KLF12: variants seen among roughly 807,000 people sequenced by gnomAD.
The protein encoded by KLF12 is KLF transcription factor 12, also known as Krueppel-like factor 12.
KLF12 carries 9 observed loss-of-function variants against 37.8 expected under a neutral mutation model. The ratio of observed to expected loss-of-function variants is 0.24; its 90% CI spans 0.14 to 0.42. The LOEUF (loss-of-function observed/expected upper bound fraction) is 0.42. Among genes scored for constraint, KLF12 ranks in the 10% least tolerant of loss-of-function variants. KLF12 has a pLI of 1.00. For missense variants in KLF12, 411 were observed against 516.0 expected, an observed-to-expected ratio of 0.80 and a Z score of 1.97; for synonymous variants, 208 against 202.1, an observed-to-expected ratio of 1.03 and a Z score of -0.25.
At chr13:73,822,114 TGA>T (rs976932047) in intron 4 of KLF12, among the ~76,000 whole-genome samples, 10 of 152,240 alleles carry the variant, frequency 6.6e-5, no homozygotes, top group Non-Finnish European at 1.5e-4. Context: ...TCCCAGCTGA[TGA>T]GAGATTCTGC....
intron 3 of KLF12, among the ~76,000 whole-genome samples, chr13:73,858,974 T>G (rs1885758174): frequency 6.6e-6 from 1 of 152,196 alleles, no homozygotes; most frequent in Non-Finnish European, 1.5e-5. Context: ...AAAGCAACAT[T>G]TACCATTAAT....
chr13:74,007,287 T>A lies in KLF12; in HGVS notation c.-31-12234A>T, dbSNP rs934745812. On this transcript the variant is annotated intron_variant, in intron 1 of 7. Transcript: ENST00000377669. Reference sequence around the variant, plus strand: ...GAAAAAGACAAGGATATTTTTATTTTTTTTTTTTGAGATGGAGTCTCGCTG... The same window carrying A: ...GAAAAAGACAAGGATATTTTTATTTATTTTTTTTGAGATGGAGTCTCGCTG... 1.2e-4 allele frequency among the ~76,000 whole-genome samples: 17 copies of A among 139,378 alleles called. 1 individual carries two copies. The highest frequency in any genetic ancestry group is 9.6e-4 in the Admixed American group (13 of 13,570). 91.4% of individuals were successfully genotyped at this position (139,378 alleles called of 152,430 possible). A position where few individuals can be genotyped will look rare whatever the true frequency, so the allele number is the denominator to read the frequency against.
the KLF12 span, among the ~76,000 whole-genome samples, chr13:74,170,458 C>A: frequency 6.6e-6 from 1 of 152,168 alleles, no homozygotes; most frequent in Non-Finnish European, 1.5e-5. Flanking sequence ...AATATACTAT[C>A]CTTCCTCAAA....
the KLF12 span, among the ~76,000 whole-genome samples, chr13:74,155,129 T>C: frequency 6.6e-6 from 1 of 152,198 alleles, no homozygotes; most frequent in African/African-American, 2.4e-5. Flanking sequence ...CACAGGATCC[T>C]GGTTCTGACT....
the KLF12 span, among the ~76,000 whole-genome samples, chr13:74,247,836 G>T: frequency 2.0e-5 from 3 of 152,026 alleles, no homozygotes; most frequent in Non-Finnish European, 2.9e-5. Context: ...TGACCAAATT[G>T]AATGAATTAA....
chr13:74,259,406 T>G, the KLF12 span: 1 of 152,212 alleles, frequency 6.6e-6, no homozygotes, highest in African/African-American at 2.4e-5. Flanking sequence ...TTCTCTTCCA[T>G]GGTCAAGCCA....
Position 74,009,062 on chromosome 13 carries a change from G to A in KLF12, c.-31-14009C>T, listed in dbSNP as rs574656606. ...GCTGAAGGATTCTCCAAAGCTGGCC[G>A]AGGATGGATTTGTGGCCTTGAGGAA... On this transcript the variant is annotated intron_variant, in intron 1 of 7. Coordinates refer to ENST00000377669, the MANE Select transcript of KLF12 (RefSeq NM_007249.5). 3.9e-5 allele frequency among the ~76,000 whole-genome samples: 6 copies of A among 152,298 alleles called. No homozygotes were observed. In the South Asian group the frequency reaches 1.0e-3, roughly 26 times the overall value.
chr13:74,275,881 C>T, the KLF12 span, among the ~76,000 whole-genome samples: 264 of 49,836 alleles, frequency 5.3e-3, 3 homozygotes, highest in Middle Eastern at 0.02. Flanking sequence ...TTTCTTTCTT[C>T]TTTCTTTCTT....
the KLF12 span, among the ~76,000 whole-genome samples, chr13:74,279,546 T>C: frequency 6.6e-6 from 1 of 150,982 alleles, no homozygotes; most frequent in Admixed American, 6.6e-5. Flanking sequence ...TCATAAGTGC[T>C]CTTTGAGGAA....
intron 1 of KLF12, among the ~76,000 whole-genome samples, chr13:74,120,411 CAG>C: frequency 1.3e-5 from 2 of 152,238 alleles, no homozygotes; most frequent in East Asian, 3.9e-4. Context: ...ACTCAGGAGA[CAG>C]AGGTTGCAGT....
chr13:74,178,945 T>C, the KLF12 span, among the ~76,000 whole-genome samples: 1 of 152,216 alleles, frequency 6.6e-6, no homozygotes, highest in African/African-American at 2.4e-5. Context: ...TCTTTTTACC[T>C]TTTAAAAATA....
intron 2 of KLF12, among the ~76,000 whole-genome samples, chr13:73,993,927 A>C (rs1403999860): frequency 1.3e-5 from 2 of 152,238 alleles, no homozygotes; most frequent in Non-Finnish European, 2.9e-5. Flanking sequence ...ATAAGTCCAC[A>C]GTACAGTTAA....
chr13:73,854,170 A>G (rs1472514598), intron 3 of KLF12, among the ~76,000 whole-genome samples: 2 of 152,232 alleles, frequency 1.3e-5, no homozygotes, highest in Non-Finnish European at 2.9e-5. Flanking sequence ...GACTTAAAAT[A>G]TTAATTAAAA....
chr13:73,740,934 G>A (rs1275606292), intron 6 of KLF12, among the ~76,000 whole-genome samples: 1 of 152,076 alleles, frequency 6.6e-6, no homozygotes, highest in Non-Finnish European at 1.5e-5. Context: ...CAGTGCTAAC[G>A]CAGTTTACAC....
chr13:73,924,930 C>G (rs567274885), intron 3 of KLF12, among the ~76,000 whole-genome samples: 1 of 152,188 alleles, frequency 6.6e-6, no homozygotes, highest in Non-Finnish European at 1.5e-5. Context: ...TCCCTTGAGC[C>G]AAGGCCTAAT....
chr13:73,946,630 C>T (rs976966048), intron 2 of KLF12, among the ~76,000 whole-genome samples: 2 of 152,024 alleles, frequency 1.3e-5, no homozygotes, highest in African/African-American at 4.8e-5. Flanking sequence ...TCAAGATTTC[C>T]TGGAAATCTT....
chr13:74,137,921 T>C (rs1318666761), upstream of KLF12, among the ~76,000 whole-genome samples: 2 of 152,174 alleles, frequency 1.3e-5, no homozygotes, highest in East Asian at 3.8e-4. Flanking sequence ...CCACCACGCC[T>C]GGCTAATTTT....
At chr13:73,750,901 T>G (rs1878706765) in intron 6 of KLF12, among the ~76,000 whole-genome samples, 1 of 152,178 alleles carries the variant, frequency 6.6e-6, no homozygotes, top group Non-Finnish European at 1.5e-5. Context: ...GGAAACAATT[T>G]GTGAGAAGTG....
chr13:74,146,906 A>G, the KLF12 span, among the ~76,000 whole-genome samples: 4 of 152,208 alleles, frequency 2.6e-5, no homozygotes, highest in Non-Finnish European at 5.9e-5. Context: ...CTGACTTCAC[A>G]CAAGTCCTCT....
Sources: allele counts gnomAD v4.1 joint callset (sites outside exome capture counted in the v4.1 genomes callset), GRCh38; gene constraint gnomAD v4.1.1; transcripts MANE v1.5; gene names NCBI Gene and HGNC (gene_info 2026-07-23, HGNC 2026-07-21).